Variants in MAPRE2 observed in about 807,000 individuals in gnomAD.
The protein encoded by MAPRE2 is microtubule-associated protein RP/EB family member 2.
A neutral mutation model predicts 43.2 loss-of-function variants in MAPRE2; 13 were observed. That is an observed-to-expected ratio of 0.30 (90% CI 0.20 to 0.48). MAPRE2 has a LOEUF of 0.48. Ranked by LOEUF, MAPRE2 falls within the 20% of genes least tolerant of loss-of-function variation. The pLI is 0.99. For synonymous variants in MAPRE2, 135 were observed against 148.8 expected, an observed-to-expected ratio of 0.91 and a Z score of 0.68; for missense variants, 161 against 400.2, an observed-to-expected ratio of 0.40 and a Z score of 5.10.
Position 35,041,602 on chromosome 18 carries a change from T to C in MAPRE2, c.63T>C (p.Asp21=), listed in dbSNP as rs144291330. 1.1e-5 allele frequency: 18 copies of C among 1,614,010 alleles called. No individual in the cohort carries two copies. Among genetic ancestry groups the C allele is most frequent in the Non-Finnish European group, 1.7e-6 (2 of 1,180,048 alleles). ...AGAACAACAACGACATCATCCAGGA[T>C]AATAACGGGACCATCATTCCTTTCC... is the stretch of plus-strand genomic sequence containing the variant. ...NGENNNDIIQ[D]NNGTIIPFRK... Residue 21 remains aspartate (D), a synonymous_variant, in exon 1 of 7, where the codon GAT becomes GAC. Transcript: ENST00000300249.
chr18:35,109,008 T>A (rs1239769099), intron 4 of MAPRE2, among the ~76,000 whole-genome samples: 1 of 152,236 alleles, frequency 6.6e-6, no homozygotes, highest in African/African-American at 2.4e-5. Flanking sequence ...TTGGCTTTTG[T>A]TGAAATTGCT....
At chr18:35,094,521 T>C (rs1022169200) in intron 2 of MAPRE2, among the ~76,000 whole-genome samples, 1 of 152,160 alleles carries the variant, frequency 6.6e-6, no homozygotes, top group East Asian at 1.9e-4. Flanking sequence ...ATAGTAAAAA[T>C]AGTGCTTCTC....
At chr18:35,083,139 C>T (rs1416343998) in intron 2 of MAPRE2, among the ~76,000 whole-genome samples, 1 of 152,108 alleles carries the variant, frequency 6.6e-6, no homozygotes, top group Non-Finnish European at 1.5e-5. Flanking sequence ...AGATTCTTAC[C>T]TTCTACTCAA....
Position 35,143,304 on chromosome 18 carries a change from G to GTAA in MAPRE2, c.*2937_*2939dup, listed in dbSNP as rs1910750784. 2 of 152,002 alleles carry GTAA rather than the reference G, an allele frequency of 1.3e-5. No homozygotes were observed. Among genetic ancestry groups the GTAA allele is most frequent in the African/African-American group, 4.8e-5 (2 of 41,384 alleles). The allele number at this position is 152,002 out of a possible 1,614,324, so 9.4% of individuals were successfully genotyped here. On this transcript the variant is annotated 3_prime_UTR_variant, in exon 7 of 7. Transcript: ENST00000300249. ...TATTGTTAATTATAAATATAGATAA[G>GTAA]TAATGACATAATAGATGAAAAAGTC...
intron 1 of MAPRE2, among the ~76,000 whole-genome samples, chr18:34,997,752 G>T (rs1052699609): frequency 1.3e-5 from 2 of 152,206 alleles, no homozygotes; most frequent in Admixed American, 1.3e-4. Flanking sequence ...GAAGGCTGAG[G>T]TTGCAGTGAG....
intron 1 of MAPRE2, among the ~76,000 whole-genome samples, chr18:34,993,878 T>A (rs756602660): frequency 4.6e-5 from 7 of 152,318 alleles, no homozygotes; most frequent in Non-Finnish European, 8.8e-5. Flanking sequence ...TGCCCTTCAT[T>A]ATTTATGTCG....
chr18:35,140,507 C>T lies in MAPRE2; in HGVS notation c.*138C>T. The T allele has an allele frequency of 2.5e-6, 2 of 814,624 alleles. No homozygotes were observed. The highest frequency in any genetic ancestry group is 1.9e-6 in the Non-Finnish European group (1 of 520,530). 50.5% of individuals were successfully genotyped at this position (814,624 alleles called of 1,614,324 possible). A position where few individuals can be genotyped will look rare whatever the true frequency, so the allele number is the denominator to read the frequency against. On this transcript the variant is annotated 3_prime_UTR_variant, in exon 7 of 7. Coordinates refer to ENST00000300249, the MANE Select transcript of MAPRE2 (RefSeq NM_014268.4). ...TACCATCAACGCACTGTTGCATATG[C>T]CAGCCACTGCGCTTGGTTCCCATTT... is the stretch of plus-strand genomic sequence containing the variant.
intron 2 of MAPRE2, among the ~76,000 whole-genome samples, chr18:35,033,445 C>G (rs1262972616): frequency 1.3e-4 from 19 of 149,514 alleles, no homozygotes; most frequent in African/African-American, 4.6e-4. Context: ...CCTTTGAAAA[C>G]TGGCACAAGA....
At chr18:35,126,308 C>A (rs1909899044) in intron 4 of MAPRE2, among the ~76,000 whole-genome samples, 1 of 152,204 alleles carries the variant, frequency 6.6e-6, no homozygotes, top group South Asian at 2.1e-4. Context: ...TCCTGGAGCA[C>A]CTCCTTGCTT....
At chr18:35,138,619 C>T (rs1910493326) in intron 6 of MAPRE2, among the ~76,000 whole-genome samples, 1 of 152,178 alleles carries the variant, frequency 6.6e-6, no homozygotes, top group African/African-American at 2.4e-5. Flanking sequence ...GCCAAATACT[C>T]TTCTAGGCAC....
chr18:35,024,208 A>AGCTATCTTGTTCTGGT (rs1733261869), intron 2 of MAPRE2, among the ~76,000 whole-genome samples: 2 of 152,174 alleles, frequency 1.3e-5, no homozygotes, highest in African/African-American at 4.8e-5. Flanking sequence ...AGAGTTCTGG[A>AGCTATCTTGTTCTGGT]GCTATCTTGT....
chr18:35,100,840 AGTCCAGTCT>A (rs1259539340), intron 3 of MAPRE2, among the ~76,000 whole-genome samples: 1 of 152,168 alleles, frequency 6.6e-6, no homozygotes, highest in Non-Finnish European at 1.5e-5. Flanking sequence ...CAGGAGTTCA[AGTCCAGTCT>A]GGCCAACATG....
chr18:35,041,813 T>C (rs1440424856), intron 1 of MAPRE2, 152 bp downstream of exon 1: 6 of 1,471,250 alleles, frequency 4.1e-6, no homozygotes, highest in Non-Finnish European at 5.4e-6. Flanking sequence ...TCTGTTTCCA[T>C]GTGTCATGTT....
intron 1 of MAPRE2, among the ~76,000 whole-genome samples, chr18:35,043,178 T>A (rs1320444809): frequency 6.6e-6 from 1 of 152,210 alleles, no homozygotes; most frequent in Admixed American, 6.5e-5. Context: ...TCTTCTCCTC[T>A]TACTCCTCCA....
intron 2 of MAPRE2, among the ~76,000 whole-genome samples, chr18:35,008,666 T>C (rs2097032936): frequency 6.6e-6 from 1 of 152,200 alleles, no homozygotes; most frequent in Non-Finnish European, 1.5e-5. Context: ...TATGCTAAAT[T>C]TTTATACAGA....
At chr18:35,101,826 A>G (rs1908695255) in intron 3 of MAPRE2, 120 bp from the exon 4 acceptor site, 4 of 714,018 alleles carry the variant, frequency 5.6e-6, no homozygotes, top group Non-Finnish European at 9.4e-6. Flanking sequence ...CTTAGCTATT[A>G]TAAACAGTGC....
At chr18:35,046,972 T>C (rs1603393786) in intron 1 of MAPRE2, among the ~76,000 whole-genome samples, 1 of 152,256 alleles carries the variant, frequency 6.6e-6, no homozygotes, top group East Asian at 1.9e-4. Flanking sequence ...TGAACCAGGT[T>C]TCTGGTTCAT....
At chr18:35,041,066 C>G (rs1205695632), upstream of MAPRE2, among the ~76,000 whole-genome samples, 1 of 152,206 alleles carries the variant, frequency 6.6e-6, no homozygotes, top group Non-Finnish European at 1.5e-5. Flanking sequence ...AAAGGGTCTC[C>G]CACACCCCTT....
chr18:35,070,412 G>A (rs1907050310), intron 2 of MAPRE2, 90 bp downstream of exon 2: 2 of 1,149,882 alleles, frequency 1.7e-6, no homozygotes, highest in Non-Finnish European at 2.4e-6. Flanking sequence ...TATATTTTGG[G>A]TAGGAAAAAG....
Sources: allele counts gnomAD v4.1 joint callset (sites outside exome capture counted in the v4.1 genomes callset), GRCh38; gene constraint gnomAD v4.1.1; transcripts MANE v1.5; gene names NCBI Gene and HGNC (gene_info 2026-07-23, HGNC 2026-07-21).